Variants in ODAD3 observed in about 807,000 individuals in gnomAD.
ODAD3 encodes outer dynein arm docking complex subunit 3, also known as outer dynein arm-docking complex subunit 3.
A neutral mutation model predicts 70.9 loss-of-function variants in ODAD3; 57 were observed. That is an observed-to-expected ratio of 0.80 (90% CI 0.65 to 1.00). The LOEUF (loss-of-function observed/expected upper bound fraction) is 1.00, where lower values mean the gene tolerates loss of function less well. Among genes scored for constraint, ODAD3 ranks in the 50% least tolerant of loss-of-function variants. The probability of loss-of-function intolerance (pLI) is 0.00; values close to 1 mark genes in which losing one functional copy is unlikely to be tolerated. For missense variants in ODAD3, 797 were observed against 763.9 expected (o/e 1.04, Z -0.51); for synonymous variants, 327 against 315.9 (o/e 1.04, Z -0.37).
intron 3 of ODAD3, among the ~76,000 whole-genome samples, chr19:11,428,523 G>A (rs1055613879): frequency 2.0e-5 from 3 of 151,286 alleles, no homozygotes; most frequent in Non-Finnish European, 4.4e-5. Flanking sequence ...GATTACAGAC[G>A]TGAGCCATCA....
chr19:11,435,574 G>C (rs1348932328), upstream of ODAD3: 2 of 812,380 alleles, frequency 2.5e-6, no homozygotes, highest in African/African-American at 3.5e-5. Flanking sequence ...GCGACCCTGA[G>C]TCTCCGTTCC....
chr19:11,430,006 G>C (rs536766246), intron 3 of ODAD3, among the ~76,000 whole-genome samples: 4 of 151,428 alleles, frequency 2.6e-5, no homozygotes, highest in African/African-American at 9.7e-5. Flanking sequence ...CATTGTTTTC[G>C]TTTGTTTGTT....
upstream of ODAD3, chr19:11,435,137 G>A: frequency 6.9e-7 from 1 of 1,456,876 alleles, no homozygotes; most frequent in Non-Finnish European, 9.0e-7. Context: ...CCGACCGCTA[G>A]GTGGTTGCGC....
upstream of ODAD3, chr19:11,435,270 C>T (rs1347798651): frequency 4.1e-6 from 5 of 1,233,720 alleles, no homozygotes; most frequent in Admixed American, 9.1e-5. Context: ...GAGGGGCGGT[C>T]CCAACAGTGG....
At chr19:11,425,175 A>G (rs985827658) in intron 7 of ODAD3, among the ~76,000 whole-genome samples, 5 of 141,528 alleles carry the variant, frequency 3.5e-5, no homozygotes, top group East Asian at 2.2e-4. Context: ...GTGTATATGT[A>G]CATATGTGTA....
chr19:11,421,278 C>G lies in ODAD3; in HGVS notation c.1591-66G>C, dbSNP rs959048750. Reference sequence around the variant, plus strand: ...CCAGGGGCCACCGAGAAGTCACGTTCCCCCTCCTCCCTACCCCATTCCGAG... The same window carrying G: ...CCAGGGGCCACCGAGAAGTCACGTTGCCCCTCCTCCCTACCCCATTCCGAG... On this transcript the variant is annotated intron_variant, in intron 11 of 12. Coordinates refer to ENST00000356392, the MANE Select transcript of ODAD3 (RefSeq NM_145045.5). 3 of 1,397,970 alleles carry G rather than the reference C, an allele frequency of 2.1e-6. No homozygotes were observed. The East Asian group carries it at 7.2e-5, about 33-fold the overall frequency. The allele number at this position is 1,397,970 out of a possible 1,614,324, so 86.6% of individuals were successfully genotyped here.
intron 1 of ODAD3, among the ~76,000 whole-genome samples, chr19:11,433,947 G>A (rs1969565243): frequency 1.3e-5 from 2 of 151,220 alleles, no homozygotes; most frequent in Non-Finnish European, 2.9e-5. Flanking sequence ...GGCTGGGCGC[G>A]GTGGCTCACA....
chr19:11,435,106 G>C lies in ODAD3; in HGVS notation c.-90C>G, dbSNP rs1969640610. On this transcript the variant is annotated 5_prime_UTR_variant, in exon 1 of 13. Coordinates refer to ENST00000356392, the MANE Select transcript of ODAD3 (RefSeq NM_145045.5). ...AGGGATCCGTCAGCTCGGATTCCTA[G>C]GGCTCTGAAAAATGCACTTTCCGAC... The C allele has an allele frequency of 2.0e-6, 3 of 1,501,270 alleles. No homozygotes were observed. The highest frequency in any genetic ancestry group is 2.3e-5 in the East Asian group (1 of 43,776). 93.0% of individuals were successfully genotyped at this position (1,501,270 alleles called of 1,614,324 possible).
chr19:11,421,061 C>T, intron 12 of ODAD3, 67 bp downstream of exon 12: 1 of 1,589,728 alleles, frequency 6.3e-7, no homozygotes. Context: ...AACAGGGTAT[C>T]TGACAACCTC....
intron 3 of ODAD3, among the ~76,000 whole-genome samples, chr19:11,428,071 T>C (rs538331587): frequency 6.9e-6 from 1 of 144,868 alleles, no homozygotes; most frequent in African/African-American, 2.5e-5. Context: ...CTGCACTCCA[T>C]ACTGGGCGAC....
At chr19:11,429,175 G>A (rs1428498070) in intron 3 of ODAD3, among the ~76,000 whole-genome samples, 7 of 151,548 alleles carry the variant, frequency 4.6e-5, no homozygotes, top group Admixed American at 2.6e-4. Context: ...CACCGCGCCC[G>A]GCCTTTAATT....
At position 11,425,597 on chromosome 19, in the gene ODAD3, ATATATG is replaced by A. The variant is rs1188374676; in HGVS notation, c.963+541_963+546del. Among the ~76,000 whole-genome samples the A allele has an allele frequency of 1.9e-3, 258 of 138,772 alleles. 10 individuals are homozygous for A. The highest frequency in any genetic ancestry group is 7.4e-3 in the African/African-American group (242 of 32,920). The allele number at this position is 138,772 out of a possible 152,430, so 91.0% of individuals were successfully genotyped here. ...TATGTATATATGTATGTATATGTGT[ATATATG>A]TGTGTGTATATATGCATATATGCAT... On this transcript the variant is annotated intron_variant, in intron 7 of 12. Coordinates refer to ENST00000356392, the MANE Select transcript of ODAD3 (RefSeq NM_145045.5).
In ODAD3 at chr19:11,423,190, G is replaced by T. The variant is rs138763376; in HGVS notation, c.1117-329C>A. 6.6e-4 allele frequency among the ~76,000 whole-genome samples: 101 copies of T among 152,318 alleles called. 1 individual carries two copies. The East Asian group carries it at 0.017, about 26-fold the overall frequency. On this transcript the variant is annotated intron_variant, in intron 8 of 12. Coordinates refer to ENST00000356392, the MANE Select transcript of ODAD3 (RefSeq NM_145045.5). ...CTGGCCGTGAATCTCGCCCGATTCC[G>T]CAGGAAATACCGCCCGTCTTCGGAG...
chr19:11,425,080 T>C (rs1371603062), intron 7 of ODAD3, among the ~76,000 whole-genome samples: 6 of 136,334 alleles, frequency 4.4e-5, no homozygotes, highest in Admixed American at 1.4e-4. Context: ...TGTATATGTG[T>C]ATATGTACAT....
At position 11,434,225 on chromosome 19, in the gene ODAD3, A is replaced by C. The variant is rs1368664346; in HGVS notation, c.244+548T>G. Among the ~76,000 whole-genome samples the C allele has an allele frequency of 6.2e-5, 9 of 145,244 alleles. 1 individual carries two copies. The highest frequency in any genetic ancestry group is 6.0e-4 in the East Asian group (3 of 4,980). On this transcript the variant is annotated intron_variant, in intron 1 of 12. Transcript: ENST00000356392. ...AAGACCCTGTCTCAAAAAACAAAAA[A>C]CAAAACAAAAAAAAACGCGGGTGCA...
intron 11 of ODAD3, among the ~76,000 whole-genome samples, chr19:11,421,417 C>T (rs1475782084): frequency 1.3e-5 from 2 of 152,160 alleles, no homozygotes; most frequent in Admixed American, 6.5e-5. Context: ...GTCTCTGGGG[C>T]CCTGCCACTA....
Position 11,435,027 on chromosome 19 carries a change from G to A in ODAD3, c.-11C>T, listed in dbSNP as rs1969634841. On this transcript the variant is annotated 5_prime_UTR_variant, in exon 1 of 13. Transcript: ENST00000356392. ...CAGAGGAGATGTCATGATGGGGTTG[G>A]GGCTGAAGGCCCCTAGGGGTTAGGG... The A allele has an allele frequency of 3.1e-6, 5 of 1,605,422 alleles. No individual in the cohort carries two copies. Among genetic ancestry groups the A allele is most frequent in the Admixed American group, 3.4e-5 (2 of 59,634 alleles).
chr19:11,421,836 C>A lies in ODAD3; in HGVS notation c.1435-4G>T. The stretch of plus-strand genomic sequence containing the variant: ...TTCCCGCGAAGCGGCCGTCCTCCTG[C>A]GGCCAGGGTAGAGCCGGGTCAGCCG... On this transcript the variant is annotated splice_region_variant and splice_polypyrimidine_tract_variant and intron_variant, in intron 10 of 12. Coordinates refer to ENST00000356392, the MANE Select transcript of ODAD3 (RefSeq NM_145045.5). The A allele has an allele frequency of 6.2e-7, 1 of 1,611,416 alleles. No individual in the cohort carries two copies. The highest frequency in any genetic ancestry group is 1.1e-5 in the South Asian group (1 of 90,914).
chr19:11,430,637 G>A, intron 3 of ODAD3, 62 bp downstream of exon 3: 1 of 1,484,998 alleles, frequency 6.7e-7, no homozygotes, highest in Non-Finnish European at 9.4e-7. Context: ...TGAGCCTGGA[G>A]TCCAGTGGTG....
Sources: allele counts gnomAD v4.1 joint callset (sites outside exome capture counted in the v4.1 genomes callset), GRCh38; gene constraint gnomAD v4.1.1; transcripts MANE v1.5; gene names NCBI Gene and HGNC (gene_info 2026-07-23, HGNC 2026-07-21).